Variants in SORBS2 observed in about 807,000 individuals in gnomAD.
The protein encoded by SORBS2 is sorbin and SH3 domain containing 2.
A neutral mutation model predicts 97.7 loss-of-function variants in SORBS2; 46 were observed. That is an observed-to-expected ratio of 0.47 (90% CI 0.37 to 0.60). SORBS2 has a LOEUF of 0.60. Ranked by LOEUF, SORBS2 falls within the 20% of genes least tolerant of loss-of-function variation. The pLI is 0.00. For synonymous variants in SORBS2, 476 were observed against 473.4 expected, an observed-to-expected ratio of 1.01 and a Z score of -0.07; for missense variants, 1,316 against 1,282.3, an observed-to-expected ratio of 1.03 and a Z score of -0.40.
At position 185,886,234 on chromosome 4, in the gene SORBS2, G is replaced by T. The variant is rs529379218; in HGVS notation, c.-338+69962C>A. Among the ~76,000 whole-genome samples the T allele has an allele frequency of 3.3e-5, 5 of 152,202 alleles. No individual in the cohort carries two copies. The East Asian group carries it at 7.7e-4, about 24-fold the overall frequency. On this transcript the variant is annotated intron_variant, in intron 1 of 20. Transcript: ENST00000284776. ...GAAATGTGAGGTGGGCGGCAGAAAGGCTAAGGTGTTCTAGGCTGCAATAAG... is the reference window on the plus strand; with the variant it reads ...GAAATGTGAGGTGGGCGGCAGAAAGTCTAAGGTGTTCTAGGCTGCAATAAG...
intron 2 of SORBS2, among the ~76,000 whole-genome samples, chr4:185,707,994 C>A (rs2098371176): frequency 1.3e-5 from 2 of 152,172 alleles, no homozygotes; most frequent in Non-Finnish European, 2.9e-5. Flanking sequence ...CATCCCTGAG[C>A]ACTTTATTGT....
intron 1 of SORBS2, among the ~76,000 whole-genome samples, chr4:185,955,634 C>G (rs565917085): frequency 1.3e-5 from 2 of 152,260 alleles, no homozygotes; most frequent in African/African-American, 2.4e-5. Flanking sequence ...GACTTTCGGA[C>G]GAGCACACCA....
intron 1 of SORBS2, among the ~76,000 whole-genome samples, chr4:185,929,813 C>A (rs1454689546): frequency 1.3e-5 from 2 of 152,098 alleles, no homozygotes; most frequent in Non-Finnish European, 2.9e-5. Flanking sequence ...GGATTACAGG[C>A]ATGAGCCACT....
At chr4:185,903,971 AC>A (rs914639197) in intron 1 of SORBS2, among the ~76,000 whole-genome samples, 5 of 152,190 alleles carry the variant, frequency 3.3e-5, no homozygotes, top group African/African-American at 1.2e-4. Flanking sequence ...CTCCAAGAAT[AC>A]TTATACAGCA....
At chr4:185,693,372 A>G (rs2098126920) in intron 2 of SORBS2, among the ~76,000 whole-genome samples, 1 of 152,186 alleles carries the variant, frequency 6.6e-6, no homozygotes, top group African/African-American at 2.4e-5. Flanking sequence ...GGCAGCGGCC[A>G]GCACAGGAGC....
At chr4:185,666,436 C>T (rs1179351079) in intron 4 of SORBS2, among the ~76,000 whole-genome samples, 3 of 152,152 alleles carry the variant, frequency 2.0e-5, no homozygotes, top group African/African-American at 4.8e-5. Context: ...CACAGCACTG[C>T]AATGTAATTC....
chr4:185,646,311 G>C (rs530914299), intron 4 of SORBS2: 1 of 164,198 alleles, frequency 6.1e-6, no homozygotes, highest in African/African-American at 2.4e-5. Flanking sequence ...TTAATGATTA[G>C]GCACAGTTAG....
In SORBS2 at chr4:185,945,759, T is replaced by C. The variant is rs1015900109; in HGVS notation, c.-338+10437A>G. Among the ~76,000 whole-genome samples, 11 of 152,224 alleles carry C rather than the reference T, an allele frequency of 7.2e-5. No individual in the cohort carries two copies. The East Asian group carries it at 1.7e-3, about 24-fold the overall frequency. On this transcript the variant is annotated intron_variant, in intron 1 of 20. Transcript: ENST00000284776. ...GAGAGGACAGATATCTGATCCATGC[T>C]GGCTAAGTGTGTGAGCAGGGGCTTG...
intron 1 of SORBS2, among the ~76,000 whole-genome samples, chr4:185,796,523 G>A (rs2099105581): frequency 1.5e-5 from 2 of 134,062 alleles, no homozygotes; most frequent in South Asian, 2.8e-4. Context: ...TGGCCACGCT[G>A]TTCCCTGGTC....
intron 1 of SORBS2, among the ~76,000 whole-genome samples, chr4:185,819,721 C>T (rs2099195540): frequency 6.6e-6 from 1 of 152,178 alleles, no homozygotes. Flanking sequence ...GTTGCGGAAG[C>T]ACCCTTCCTT....
intron 2 of SORBS2, among the ~76,000 whole-genome samples, chr4:185,762,694 AT>A (rs2098905200): frequency 1.3e-5 from 2 of 152,190 alleles, no homozygotes; most frequent in South Asian, 4.1e-4. Context: ...TAATTATGTA[AT>A]ATCTGGTTTC....
chr4:185,674,391 T>C (rs1312596594), intron 4 of SORBS2, among the ~76,000 whole-genome samples: 1 of 152,214 alleles, frequency 6.6e-6, no homozygotes, highest in Non-Finnish European at 1.5e-5. Context: ...GTCTGATTTC[T>C]CACCACCTCC....
At chr4:185,637,987 C>T in intron 4 of SORBS2, 92 bp downstream of exon 15, 1 of 822,966 alleles carries the variant, frequency 1.2e-6, no homozygotes, top group Admixed American at 1.8e-5. Flanking sequence ...CCTTTGTTCT[C>T]TGAATGACAC....
chr4:185,779,733 A>T (rs2099018076), intron 1 of SORBS2, among the ~76,000 whole-genome samples: 1 of 152,236 alleles, frequency 6.6e-6, no homozygotes, highest in South Asian at 2.1e-4. Context: ...ATAGATGTTT[A>T]GAGACCTCCC....
Position 185,623,986 on chromosome 4 carries a change from A to G in SORBS2, c.1143T>C (p.Ile381=). Residue 381 remains isoleucine, a synonymous_variant, in exon 7 of 15, where the codon ATT becomes ATC. Coordinates refer to ENST00000418609, the Ensembl canonical transcript of SORBS2. The surrounding 1 kb of genome is among the most constrained non-coding windows in gnomAD (Gnocchi z 6.4). ...GCTGCTGCTCGCTCTCGTACTGCAGAATCCTGGACTTCACGGAGCAGATCA... is the reference window on the plus strand; with the variant it reads ...GCTGCTGCTCGCTCTCGTACTGCAGGATCCTGGACTTCACGGAGCAGATCA... The G allele has an allele frequency of 6.2e-7, 1 of 1,614,160 alleles. No homozygotes were observed. Among genetic ancestry groups the G allele is most frequent in the Non-Finnish European group, 8.5e-7 (1 of 1,180,030 alleles).
intron 2 of SORBS2, among the ~76,000 whole-genome samples, chr4:185,710,387 ATTCAAAG>A (rs1286963295): frequency 1.3e-5 from 2 of 152,244 alleles, no homozygotes; most frequent in Admixed American, 6.5e-5. Context: ...GTTCAAACTT[ATTCAAAG>A]TTCAAAGTGT....
At chr4:185,745,294 T>C (rs2098753166) in intron 2 of SORBS2, among the ~76,000 whole-genome samples, 1 of 152,150 alleles carries the variant, frequency 6.6e-6, no homozygotes, top group Admixed American at 6.5e-5. Context: ...AACCTGAACA[T>C]GGCCAGTAAG....
intron 1 of SORBS2, among the ~76,000 whole-genome samples, chr4:185,948,150 T>A (rs1315733715): frequency 6.6e-6 from 1 of 152,226 alleles, no homozygotes; most frequent in Admixed American, 6.5e-5. Context: ...AATCCTCTGA[T>A]GCAGCTTCTC....
chr4:185,868,330 G>C (rs927454977), intron 1 of SORBS2, among the ~76,000 whole-genome samples: 3 of 151,026 alleles, frequency 2.0e-5, no homozygotes, highest in Non-Finnish European at 1.5e-5. Flanking sequence ...CTAATTTTTT[G>C]TATTTTCAGT....
Sources: allele counts gnomAD v4.1 joint callset (sites outside exome capture counted in the v4.1 genomes callset), GRCh38; gene constraint gnomAD v4.1.1; non-coding constraint Gnocchi (gnomAD v3.1); transcripts MANE v1.5; gene names NCBI Gene and HGNC (gene_info 2026-07-23, HGNC 2026-07-21).